Variants in SDK1 observed in about 807,000 individuals in gnomAD.
SDK1 encodes protein sidekick-1.
In SDK1, 157 loss-of-function variants were observed where a neutral mutation model predicts 245.5. That is an observed-to-expected ratio of 0.64 (90% CI 0.56 to 0.73). The LOEUF (loss-of-function observed/expected upper bound fraction) is 0.73, where lower values mean the gene tolerates loss of function less well. Among genes scored for constraint, SDK1 ranks in the 30% least tolerant of loss-of-function variants. The pLI, the probability that SDK1 is intolerant of heterozygous loss-of-function variation, is 0.00. For synonymous variants in SDK1, 1,647 were observed against 1,278.5 expected (o/e 1.29, Z -6.15); for missense variants, 3,583 against 3,002.3 (o/e 1.19, Z -4.52).
chr7:3,617,746 C>T (rs1781813430), intron 1 of SDK1, among the ~76,000 whole-genome samples: 1 of 152,128 alleles, frequency 6.6e-6, no homozygotes, highest in Non-Finnish European at 1.5e-5. Flanking sequence ...TAACTCCCTC[C>T]CACAGTATCA....
At chr7:3,559,573 T>G (rs564330307) in intron 1 of SDK1, among the ~76,000 whole-genome samples, 164 of 152,332 alleles carry the variant, frequency 1.1e-3, no homozygotes, top group African/African-American at 3.8e-3. Context: ...TGACGCTCTT[T>G]TCTGATTCAC....
intron 10 of SDK1, among the ~76,000 whole-genome samples, chr7:3,967,868 G>T (rs574942178): frequency 6.6e-6 from 1 of 152,344 alleles, no homozygotes; most frequent in South Asian, 2.1e-4. Context: ...GCAGCCCAGG[G>T]CTTGGGGACC....
In SDK1 at chr7:4,114,162, C is replaced by G; in HGVS notation, c.3711C>G (p.Phe1237Leu). Residue 1237 changes from phenylalanine to leucine, a missense_variant, in exon 25 of 45, where the codon TTC (phenylalanine) becomes TTG (leucine). Physicochemically the swap from Phe to Leu is conservative, Grantham distance 22. Coordinates refer to ENST00000404826, the MANE Select transcript of SDK1 (RefSeq NM_152744.4). ...TCAGTGACCGGCTGGAGAGAGAATT[C>G]ACCATCGAGGAGCTGGAGGAGTGGA... ...QVVSDRLEREFTIEELEEWME... is the reference protein window; with the variant it reads ...QVVSDRLERELTIEELEEWME... 1.2e-6 allele frequency: 2 copies of G among 1,614,230 alleles called. No homozygotes were observed. Among genetic ancestry groups the G allele is most frequent in the Non-Finnish European group, 1.7e-6 (2 of 1,180,040 alleles).
intron 4 of SDK1, among the ~76,000 whole-genome samples, chr7:3,769,042 C>G (rs1478273001): frequency 1.3e-5 from 2 of 152,058 alleles, no homozygotes; most frequent in Non-Finnish European, 2.9e-5. Flanking sequence ...GCCCTAAAAC[C>G]TTTGTTGAAT....
chr7:4,124,938 A>AGATG (rs550683260), intron 25 of SDK1, among the ~76,000 whole-genome samples: 2 of 133,408 alleles, frequency 1.5e-5, no homozygotes, highest in African/African-American at 3.0e-5. Context: ...ATGGATGGAT[A>AGATG]GATGGATGGA....
intron 4 of SDK1, among the ~76,000 whole-genome samples, chr7:3,758,873 G>C (rs903040348): frequency 1.3e-5 from 2 of 152,172 alleles, no homozygotes; most frequent in African/African-American, 4.8e-5. Context: ...ACAAGTCTCT[G>C]TTCCTGTCTG....
intron 4 of SDK1, among the ~76,000 whole-genome samples, chr7:3,766,496 T>A (rs1248385758): frequency 6.6e-6 from 1 of 152,190 alleles, no homozygotes; most frequent in Admixed American, 6.5e-5. Flanking sequence ...ATGGGGTAAT[T>A]GTACCTACTT....
At chr7:3,873,073 T>A (rs528427611) in intron 5 of SDK1, among the ~76,000 whole-genome samples, 30 of 152,300 alleles carry the variant, frequency 2.0e-4, no homozygotes, top group Admixed American at 7.2e-4. Flanking sequence ...GTCTCTGACC[T>A]ATATCATACT....
chr7:3,512,305 G>C (rs1782607008), intron 1 of SDK1, among the ~76,000 whole-genome samples: 1 of 152,018 alleles, frequency 6.6e-6, no homozygotes, highest in South Asian at 2.1e-4. Flanking sequence ...TAACTCACTT[G>C]TTTTCAGTGC....
intron 1 of SDK1, among the ~76,000 whole-genome samples, chr7:3,540,183 G>C: frequency 6.6e-6 from 1 of 152,200 alleles, no homozygotes; most frequent in Non-Finnish European, 1.5e-5. Flanking sequence ...AAGGCAGGTG[G>C]ATCAGCTGAG....
At chr7:3,404,255 T>C (rs138585320) in intron 1 of SDK1, among the ~76,000 whole-genome samples, 103 of 152,266 alleles carry the variant, frequency 6.8e-4, no homozygotes, top group Non-Finnish European at 1.1e-3. Flanking sequence ...ACAAGAAAGC[T>C]AAGTGCAGTA....
chr7:3,445,372 A>T (rs1196287197), intron 1 of SDK1, among the ~76,000 whole-genome samples: 1 of 152,200 alleles, frequency 6.6e-6, no homozygotes, highest in Non-Finnish European at 1.5e-5. Context: ...TACCATGGTT[A>T]GGTTAAGTTA....
chr7:3,648,313 C>T (rs1458941980), intron 4 of SDK1, among the ~76,000 whole-genome samples: 1 of 152,188 alleles, frequency 6.6e-6, no homozygotes, highest in African/African-American at 2.4e-5. Context: ...CATTCTTGTG[C>T]TTAATTGCAG....
chr7:3,563,742 A>G (rs1779820304), intron 1 of SDK1, among the ~76,000 whole-genome samples: 1 of 152,200 alleles, frequency 6.6e-6, no homozygotes, highest in Admixed American at 6.5e-5. Flanking sequence ...ACTTGAGACA[A>G]TGTGTATTTT....
chr7:3,443,332 A>G (rs924386929), intron 1 of SDK1, among the ~76,000 whole-genome samples: 1 of 152,224 alleles, frequency 6.6e-6, no homozygotes, highest in Admixed American at 6.5e-5. Context: ...AAAATACTCA[A>G]CAGAGATAAT....
chr7:3,374,294 C>G (rs2128564398), intron 1 of SDK1, among the ~76,000 whole-genome samples: 1 of 152,284 alleles, frequency 6.6e-6, no homozygotes, highest in Middle Eastern at 3.4e-3. Context: ...TGTTCCTTTT[C>G]TGGAAGACTT....
In SDK1 at chr7:3,717,826, G is replaced by A. The variant is rs186141490; in HGVS notation, c.713+75721G>A. 3.3e-3 allele frequency among the ~76,000 whole-genome samples: 506 copies of A among 152,142 alleles called. 1 individual carries two copies. The highest frequency in any genetic ancestry group is 6.6e-3 in the Admixed American group (101 of 15,282). On this transcript the variant is annotated intron_variant, in intron 4 of 44. Coordinates refer to ENST00000404826, the MANE Select transcript of SDK1 (RefSeq NM_152744.4). The stretch of plus-strand genomic sequence containing the variant: ...AGAGATCATTTGACTTGAGAAATTT[G>A]CCACACATTTAAAGAAGAATTTAAA...
chr7:4,074,856 T>TTCTCTCTC (rs1159856321), intron 20 of SDK1, among the ~76,000 whole-genome samples: 2 of 72,346 alleles, frequency 2.8e-5, no homozygotes, highest in African/African-American at 9.5e-5. Flanking sequence ...GAGCAAGACT[T>TTCTCTCTC]TCTCTCTCTC....
chr7:4,088,101 C>G (rs1222342195), intron 22 of SDK1, among the ~76,000 whole-genome samples: 1 of 152,166 alleles, frequency 6.6e-6, no homozygotes. Context: ...CTGCCGAGGT[C>G]ACACAGCCAA....
Sources: gnomAD v4.1 joint callset for allele counts (sites outside exome capture counted in the v4.1 genomes callset) on GRCh38, gnomAD v4.1.1 for gene constraint, MANE v1.5 for transcripts, NCBI Gene and HGNC (gene_info 2026-07-23, HGNC 2026-07-21) for gene names.